Variants in CHRAC1 observed in about 807,000 individuals in gnomAD.
CHRAC1 encodes chromatin accessibility complex subunit 1.
A neutral mutation model predicts 9.1 loss-of-function variants in CHRAC1; 6 were observed. The ratio of observed to expected loss-of-function variants is 0.66; its 90% confidence interval spans 0.36 to 1.29. CHRAC1 has a LOEUF of 1.29. Among genes scored for constraint, CHRAC1 ranks in the 50% most tolerant of loss-of-function variants. The pLI is 0.03. For synonymous variants in CHRAC1, 73 were observed against 64.5 expected (o/e 1.13, Z -0.63); for missense variants, 168 against 163.5 (o/e 1.03, Z -0.15).
At chr8:140,514,324 A>G (rs774290860) in intron 1 of CHRAC1, 45 bp from the exon 2 acceptor site, 20 of 1,557,764 alleles carry the variant, frequency 1.3e-5, no homozygotes, top group South Asian at 2.5e-5. Context: ...TCTGTGGTAC[A>G]TTTTCAAAGC....
Position 140,514,439 on chromosome 8 carries a change from C to A in CHRAC1, c.218C>A (p.Thr73Asn), listed in dbSNP as rs760171133. The A allele has an allele frequency of 6.3e-7, 1 of 1,583,684 alleles. No homozygotes were observed. The highest frequency in any genetic ancestry group is 1.2e-5 in the South Asian group (1 of 85,010). Residue 73 changes from threonine to asparagine, a missense_variant, in exon 2 of 3, where the codon ACT (threonine) becomes AAT (asparagine). Physicochemically the swap from Thr to Asn is moderately conservative, Grantham distance 65 (BLOSUM62 0). Coordinates refer to ENST00000220913, the MANE Select transcript of CHRAC1 (RefSeq NM_017444.6). ...AGTGGAAAGGAAAAGAAAGTACTGA[C>A]TTACAGTGATTTAGCAAACACTGCA... ...HGSGKEKKVL[T>N]YSDLANTAQQ... is the part of the protein sequence containing the mutation.
At position 140,515,143 on chromosome 8, in the gene CHRAC1, A is replaced by G. The variant is rs1286721479; in HGVS notation, c.292A>G (p.Ile98Val). 4 of 1,611,988 alleles carry G rather than the reference A, an allele frequency of 2.5e-6. No homozygotes were observed. The highest frequency in any genetic ancestry group is 3.4e-6 in the Non-Finnish European group (4 of 1,178,088). Residue 98 changes from isoleucine to valine, a missense_variant, in exon 3 of 3, where the codon ATT becomes GTT. Coordinates refer to ENST00000220913, the MANE Select transcript of CHRAC1 (RefSeq NM_017444.6). ...TTTTTAAGATATATTACCAAAGAAG[A>G]TTTTAGCTAGTAAATACCTGAAAAT... Reference protein sequence around the residue: ...QFLADILPKKILASKYLKMLK... With the variant: ...QFLADILPKKVLASKYLKMLK...
intron 1 of CHRAC1, among the ~76,000 whole-genome samples, chr8:140,512,329 C>T (rs2072286817): frequency 6.6e-6 from 1 of 152,224 alleles, no homozygotes; most frequent in African/African-American, 2.4e-5. Context: ...GTGCCAGCTC[C>T]AGCGGTCCGA....
rs1268972853 is a variant in CHRAC1, at chr8:140,515,372, ATTCT to A, written c.*129_*132del. Reference sequence around the variant, plus strand: ...TCTTCACAGAGTTCCAGTGTGTGGTATTCTTTCGAGGTATTCTTTCCAGGCCGAG... The same window carrying A: ...TCTTCACAGAGTTCCAGTGTGTGGTATTCGAGGTATTCTTTCCAGGCCGAG... On this transcript the variant is annotated 3_prime_UTR_variant, in exon 3 of 3. Transcript: ENST00000220913. 1 of 979,038 alleles carries A rather than the reference ATTCT, an allele frequency of 1.0e-6. No individual in the cohort carries two copies. The highest frequency in any genetic ancestry group is 1.6e-5 in the African/African-American group (1 of 61,368). The allele number at this position is 979,038 out of a possible 1,614,324, so 60.6% of individuals were successfully genotyped here. A position where few individuals can be genotyped will look rare whatever the true frequency, so the allele number is the denominator to read the frequency against.
Position 140,511,323 on chromosome 8 carries a change from T to C in CHRAC1, c.-177T>C. On this transcript the variant is annotated 5_prime_UTR_variant, in exon 1 of 3. Transcript: ENST00000220913. ...ATGCGCAGATCGGGGGCGCGAGGCC[T>C]CACGGAGCTCGTAGTTTCCCGGACG... is the stretch of plus-strand genomic sequence containing the variant. 1 of 436,810 alleles carries C rather than the reference T, an allele frequency of 2.3e-6. No individual in the cohort carries two copies. The highest frequency in any genetic ancestry group is 3.7e-6 in the Non-Finnish European group (1 of 266,954). The allele number at this position is 436,810 out of a possible 1,614,324, so 27.1% of individuals were successfully genotyped here.
chr8:140,514,293 A>G (rs1459646220), intron 1 of CHRAC1, 76 bp from the exon 2 acceptor site: 8 of 1,451,246 alleles, frequency 5.5e-6, no homozygotes, highest in African/African-American at 1.5e-5. Context: ...GGAATCAACA[A>G]TGTAATTTTA....
At chr8:140,512,014 T>C in intron 1 of CHRAC1, 1 of 1,257,510 alleles carries the variant, frequency 8.0e-7, no homozygotes, top group Non-Finnish European at 1.0e-6. Flanking sequence ...CGCGCTTCCA[T>C]TCGGCAAACC....
Position 140,511,390 on chromosome 8 carries a change from C to T in CHRAC1, c.-110C>T, listed in dbSNP as rs2072270547. On this transcript the variant is annotated 5_prime_UTR_variant, in exon 1 of 3. Transcript: ENST00000220913. ...GCGGCCTCGCCTCCCCACACTACAA[C>T]TCCCACGGGGCAGCGGGCGCGGCTC... 2.9e-6 allele frequency: 3 copies of T among 1,043,430 alleles called. No homozygotes were observed. Among genetic ancestry groups the T allele is most frequent in the Non-Finnish European group, 3.8e-6 (3 of 798,742 alleles). 64.6% of individuals were successfully genotyped at this position (1,043,430 alleles called of 1,614,324 possible). A position where few individuals can be genotyped will look rare whatever the true frequency, so the allele number is the denominator to read the frequency against.
chr8:140,514,198 G>A, intron 1 of CHRAC1, 171 bp from the exon 2 acceptor site: 4 of 649,122 alleles, frequency 6.2e-6, no homozygotes, highest in Non-Finnish European at 9.4e-6. Context: ...GAGCCACCAC[G>A]CCTGGCCTCC....
At chr8:140,512,905 C>T (rs1392734334) in intron 1 of CHRAC1, among the ~76,000 whole-genome samples, 3 of 152,324 alleles carry the variant, frequency 2.0e-5, no homozygotes, top group Non-Finnish European at 4.4e-5. Flanking sequence ...CAACCTCTGC[C>T]TCGCGGGTTC....
chr8:140,513,567 C>T (rs2072303495), intron 1 of CHRAC1, among the ~76,000 whole-genome samples: 1 of 151,990 alleles, frequency 6.6e-6, no homozygotes, highest in Non-Finnish European at 1.5e-5. Flanking sequence ...TCCCGAGTAG[C>T]TGGGACTACA....
chr8:140,511,762 C>A, intron 1 of CHRAC1, 116 bp downstream of exon 1: 1 of 975,704 alleles, frequency 1.0e-6, no homozygotes, highest in Non-Finnish European at 1.4e-6. Flanking sequence ...TCTTGCCGGG[C>A]TCGCGCGCGC....
chr8:140,512,135 T>G (rs2072283363), intron 1 of CHRAC1: 1 of 685,784 alleles, frequency 1.5e-6, no homozygotes, highest in Admixed American at 3.0e-5. Context: ...CGTCGGCGCC[T>G]AGTGGCGCTC....
At chr8:140,513,995 C>T (rs1346581622) in intron 1 of CHRAC1, among the ~76,000 whole-genome samples, 1 of 148,840 alleles carries the variant, frequency 6.7e-6, no homozygotes, top group Non-Finnish European at 1.5e-5. Flanking sequence ...CAACCTCCAC[C>T]TCCCAGGTTC....
chr8:140,514,801 G>T, intron 2 of CHRAC1: 2 of 357,382 alleles, frequency 5.6e-6, no homozygotes, highest in Admixed American at 4.6e-5. Context: ...GAAAACTCAG[G>T]GTGGGTCTAC....
chr8:140,511,826 A>G (rs1564057893), intron 1 of CHRAC1, 180 bp downstream of exon 1: 1 of 784,218 alleles, frequency 1.3e-6, no homozygotes, highest in Non-Finnish European at 2.0e-6. Context: ...GCGCCCCCAC[A>G]CTTTCTCGCG....
At chr8:140,513,168 A>G (rs1299149702) in intron 1 of CHRAC1, among the ~76,000 whole-genome samples, 2 of 152,228 alleles carry the variant, frequency 1.3e-5, no homozygotes, top group Non-Finnish European at 2.9e-5. Context: ...AAACCTTGAG[A>G]AAGAGGCTCA....
rs2072340309 is a variant in CHRAC1 at position 140,516,597 on chromosome 8, C to G, written c.*1350C>G. 6.6e-6 allele frequency: 1 copy of G among 151,744 alleles called. No individual in the cohort carries two copies. Among genetic ancestry groups the G allele is most frequent in the South Asian group, 2.1e-4 (1 of 4,828 alleles). 9.4% of individuals were successfully genotyped at this position (151,744 alleles called of 1,614,324 possible). A position where few individuals can be genotyped will look rare whatever the true frequency, so the allele number is the denominator to read the frequency against. On this transcript the variant is annotated 3_prime_UTR_variant, in exon 3 of 3. Coordinates refer to ENST00000220913, the MANE Select transcript of CHRAC1 (RefSeq NM_017444.6). ...GTTCTGCCACCCAGGACATTCCCCT[C>G]TGTTCCTCTGTTCCTCTCTTCTCCT...
chr8:140,511,708 C>T (rs2072276993), intron 1 of CHRAC1, 62 bp downstream of exon 1: 1 of 1,259,812 alleles, frequency 7.9e-7, no homozygotes, highest in Non-Finnish European at 1.0e-6. Flanking sequence ...CCGCCGGGCT[C>T]TGGGCACTGC....
Sources: allele counts gnomAD v4.1 joint callset (sites outside exome capture counted in the v4.1 genomes callset), GRCh38; gene constraint gnomAD v4.1.1; transcripts MANE v1.5; gene names NCBI Gene and HGNC (gene_info 2026-07-23, HGNC 2026-07-21).